FREM1: variants seen among roughly 807,000 people sequenced by gnomAD.
FREM1 encodes FRAS1 related extracellular matrix 1.
In FREM1, 220 loss-of-function variants were observed where a neutral mutation model predicts 210.1. The ratio of observed to expected loss-of-function variants is 1.05; its 90% CI spans 0.94 to 1.17. The LOEUF (loss-of-function observed/expected upper bound fraction) is 1.17. Ranked by LOEUF, FREM1 falls within the 50% of genes most tolerant of loss-of-function variation. FREM1 has a pLI of 0.00. For synonymous variants in FREM1, 1,189 were observed against 980.2 expected (o/e 1.21, Z -3.98); for missense variants, 3,454 against 2,675.5 (o/e 1.29, Z -6.42).
intron 10 of FREM1, among the ~76,000 whole-genome samples, chr9:14,830,509 TTTCTC>T (rs1360685360): frequency 4.6e-5 from 7 of 152,296 alleles, no homozygotes; most frequent in Admixed American, 1.3e-4. Flanking sequence ...AAATGGGACT[TTTCTC>T]ACCCACAGAA....
intron 29 of FREM1, among the ~76,000 whole-genome samples, chr9:14,754,844 T>A (rs980990345): frequency 3.3e-5 from 5 of 152,040 alleles, no homozygotes; most frequent in African/African-American, 1.2e-4. Flanking sequence ...CAAGGCAGGA[T>A]AATTGCTTGA....
chr9:14,792,921 A>G, intron 21 of FREM1, 37 bp from the exon 22 acceptor site: 1 of 1,439,950 alleles, frequency 6.9e-7, no homozygotes, highest in South Asian at 1.3e-5. Flanking sequence ...ATATAAAAAT[A>G]GAAGATATTC....
intron 29 of FREM1, among the ~76,000 whole-genome samples, chr9:14,754,852 T>C (rs1563839696): frequency 1.3e-5 from 2 of 152,164 alleles, no homozygotes; most frequent in African/African-American, 2.4e-5. Flanking sequence ...GATAATTGCT[T>C]GAACCCAGGA....
chr9:14,839,708 G>C (rs1825294829), intron 10 of FREM1, among the ~76,000 whole-genome samples: 1 of 152,102 alleles, frequency 6.6e-6, no homozygotes, highest in African/African-American at 2.4e-5. Context: ...TGAAGAGCAT[G>C]ATTTATAAAA....
intron 1 of FREM1, among the ~76,000 whole-genome samples, chr9:14,892,493 T>TA (rs1386164587): frequency 1.3e-5 from 2 of 152,052 alleles, no homozygotes; most frequent in African/African-American, 2.4e-5. Flanking sequence ...GTTAGAGTCT[T>TA]TCCTAAGATT....
At chr9:14,828,998 A>G (rs1461891111) in intron 10 of FREM1, among the ~76,000 whole-genome samples, 1 of 152,232 alleles carries the variant, frequency 6.6e-6, no homozygotes, top group East Asian at 1.9e-4. Flanking sequence ...AGCATAATAC[A>G]ACCTCACAGA....
At position 14,878,155 on chromosome 9, in the gene FREM1, G is replaced by A. The variant is rs570191301; in HGVS notation, c.-267-8911C>T. On this transcript the variant is annotated intron_variant, in intron 1 of 36. Coordinates refer to ENST00000380880, the MANE Select transcript of FREM1 (RefSeq NM_001379081.2). ...TGCTCTGCTCAAAACTTCCAGTAGT[G>A]TCTCATCTTAGAATAAAGGTGAAGC... Among the ~76,000 whole-genome samples the A allele has an allele frequency of 9.9e-5, 15 of 152,200 alleles. No individual in the cohort carries two copies. The South Asian group carries it at 3.1e-3, about 32-fold the overall frequency.
chr9:14,775,136 T>C (rs187409538), intron 25 of FREM1, among the ~76,000 whole-genome samples: 190 of 152,310 alleles, frequency 1.2e-3, no homozygotes, highest in African/African-American at 4.5e-3. Context: ...CTCACCACAA[T>C]GCTGTAGGCA....
Position 14,805,192 on chromosome 9 carries a change from A to T in FREM1, c.3275-40T>A, listed in dbSNP as rs73644856. On this transcript the variant is annotated intron_variant, in intron 18 of 36. Transcript: ENST00000380880. ...GATGGAACAGATAAATAAAAAAAAA[A>T]TTTTTCCAAGTTATTGGTCCTTAAT... The T allele has an allele frequency of 2.1e-3, 2,701 of 1,299,394 alleles. 15 individuals are homozygous for T. In the African/African-American group the frequency reaches 0.024, roughly 11 times the overall value. 80.5% of individuals were successfully genotyped at this position (1,299,394 alleles called of 1,614,324 possible). A position where few individuals can be genotyped will look rare whatever the true frequency, so the allele number is the denominator to read the frequency against.
At chr9:14,776,735 A>T (rs576893720) in intron 24 of FREM1, among the ~76,000 whole-genome samples, 21 of 152,326 alleles carry the variant, frequency 1.4e-4, no homozygotes, top group African/African-American at 5.1e-4. Flanking sequence ...TTAATAGCAG[A>T]TCACATTTCT....
chr9:14,822,076 T>C (rs893378137), intron 13 of FREM1, among the ~76,000 whole-genome samples: 1 of 152,102 alleles, frequency 6.6e-6, no homozygotes, highest in African/African-American at 2.4e-5. Flanking sequence ...CTGATGGTTT[T>C]ATAAATGAGA....
chr9:14,812,750 C>G (rs1237400481), intron 16 of FREM1, 62 bp downstream of exon 16: 1 of 1,509,894 alleles, frequency 6.6e-7, no homozygotes, highest in African/African-American at 1.4e-5. Flanking sequence ...GGAGCCCACA[C>G]TGAGGAGTGG....
At chr9:14,819,905 A>T (rs1405674497) in intron 13 of FREM1, among the ~76,000 whole-genome samples, 1 of 152,212 alleles carries the variant, frequency 6.6e-6, no homozygotes, top group Non-Finnish European at 1.5e-5. Context: ...AGGCTTGGGA[A>T]ATGGATTGGA....
intron 1 of FREM1, among the ~76,000 whole-genome samples, chr9:14,907,548 A>G (rs1365778309): frequency 6.6e-6 from 1 of 152,212 alleles, no homozygotes; most frequent in Non-Finnish European, 1.5e-5. Flanking sequence ...TTCAGACAAG[A>G]TAAGAGGCTG....
Position 14,868,696 on chromosome 9 carries a change from C to A in FREM1, c.234+48G>T, listed in dbSNP as rs370581902. The stretch of plus-strand genomic sequence containing the variant: ...CTGTCCCCCCACACATTTTCATACA[C>A]TTGCATTCATACACACGACTGAACA... On this transcript the variant is annotated intron_variant, in intron 2 of 36. Coordinates refer to ENST00000380880, the MANE Select transcript of FREM1 (RefSeq NM_001379081.2). The A allele has an allele frequency of 3.4e-6, 4 of 1,188,970 alleles. No individual in the cohort carries two copies. The African/African-American group carries it at 6.0e-5, about 18-fold the overall frequency. 73.7% of individuals were successfully genotyped at this position (1,188,970 alleles called of 1,614,324 possible). A position where few individuals can be genotyped will look rare whatever the true frequency, so the allele number is the denominator to read the frequency against.
intron 1 of FREM1, among the ~76,000 whole-genome samples, chr9:14,896,384 A>G (rs1214888346): frequency 2.0e-5 from 3 of 151,976 alleles, no homozygotes; most frequent in East Asian, 1.9e-4. Context: ...TCTCTACTAA[A>G]AATACAAAAA....
At chr9:14,884,380 T>C (rs1835395591) in intron 1 of FREM1, among the ~76,000 whole-genome samples, 1 of 152,242 alleles carries the variant, frequency 6.6e-6, no homozygotes, top group Admixed American at 6.5e-5. Context: ...ACCATTGCCT[T>C]TTTTCTTTAC....
intron 2 of FREM1, among the ~76,000 whole-genome samples, chr9:14,867,234 C>G (rs1290762232): frequency 6.6e-6 from 1 of 152,172 alleles, no homozygotes. Context: ...GTATTGCTTC[C>G]TCATCCTATG....
At chr9:14,813,986 A>G (rs1178203040) in intron 15 of FREM1, among the ~76,000 whole-genome samples, 1 of 152,088 alleles carries the variant, frequency 6.6e-6, no homozygotes, top group East Asian at 1.9e-4. Context: ...ATCCCATGCT[A>G]TGGGGTGCCT....
Sources: allele counts gnomAD v4.1 joint callset (sites outside exome capture counted in the v4.1 genomes callset), GRCh38; gene constraint gnomAD v4.1.1; transcripts MANE v1.5; gene names NCBI Gene and HGNC (gene_info 2026-07-23, HGNC 2026-07-21).